FBXO10: variants seen among roughly 807,000 people sequenced by gnomAD.
FBXO10 encodes the protein F-box protein 10, also known as F-box only protein 10.
FBXO10 carries 39 observed loss-of-function variants against 80.7 expected under a neutral mutation model. The observed-to-expected ratio is 0.48, with a 90% CI of 0.37 to 0.63. The LOEUF (loss-of-function observed/expected upper bound fraction) is 0.63. FBXO10 is among the 30% of genes least tolerant of loss of function. The pLI is 0.00. For missense variants in FBXO10, 1,025 were observed against 1,269.0 expected (o/e 0.81, Z 2.92); for synonymous variants, 449 against 489.6 (o/e 0.92, Z 1.09).
At chr9:37,550,177 T>TTTG (rs1418494599) in intron 1 of FBXO10, among the ~76,000 whole-genome samples, 1 of 68,820 alleles carries the variant, frequency 1.5e-5, no homozygotes. Flanking sequence ...AGGTTTTTTT[T>TTTG]TTTTTTTTTT....
Position 37,537,159 on chromosome 9 carries a change from T to C in FBXO10, c.1370A>G (p.Asn457Ser). The C allele has an allele frequency of 1.2e-6, 2 of 1,613,916 alleles. No individual in the cohort carries two copies. The highest frequency in any genetic ancestry group is 1.7e-6 in the Non-Finnish European group (2 of 1,179,896). The change falls in exon 3 of 11, where the codon AAC (asparagine) becomes AGC (serine). Residue 457 changes from asparagine (N) to serine (S), a missense_variant. This residue lies in a region of FBXO10 where 478 missense variants were observed against 667.8 expected (regional missense o/e 0.72). Transcript: ENST00000432825. ...CSHGRAKMEG[N>S]IFRNLTYAVR... is the part of the protein sequence containing the mutation. ...TGCGTAAGTCAGGTTCCGGAAGATGTTTCCTTCCATCTTGGCTCTGCCGTG... is the reference window on the plus strand; with the variant it reads ...TGCGTAAGTCAGGTTCCGGAAGATGCTTCCTTCCATCTTGGCTCTGCCGTG...
In FBXO10 at chr9:37,537,207, T is replaced by C. The variant is rs1209350516; in HGVS notation, c.1322A>G (p.Lys441Arg). 1 of 1,613,948 alleles carries C rather than the reference T, an allele frequency of 6.2e-7. No individual in the cohort carries two copies. ...LIRKCLFRDGKGGVFVCSHGR... is the reference protein window; with the variant it reads ...LIRKCLFRDGRGGVFVCSHGR... The stretch of plus-strand genomic sequence containing the variant: ...GTGGGAGCAGACGAAGACGCCTCCC[T>C]TCCCGTCCCGGAAGAGGCACTTGCG... The change falls in exon 3 of 11, where the codon AAG becomes AGG. Residue 441 changes from lysine to arginine, a missense_variant. Lys to Arg is a conservative substitution (Grantham distance 26). Around this residue, in one of 3 missense-constraint regions of FBXO10, gnomAD observed 478 missense variants for 667.8 expected, o/e 0.72. Coordinates refer to ENST00000432825, the MANE Select transcript of FBXO10 (RefSeq NM_012166.3).
In FBXO10 at chr9:37,539,729, A is replaced by T. The variant is rs182685201; in HGVS notation, c.585+1455T>A. ...AAGCTTTTAAGCTTTCAGGTAACAT[A>T]GCATGATGTAATTTTATAAGCATTT... On this transcript the variant is annotated intron_variant, in intron 2 of 10. Coordinates refer to ENST00000432825, the MANE Select transcript of FBXO10 (RefSeq NM_012166.3). 3.0e-4 allele frequency among the ~76,000 whole-genome samples: 45 copies of T among 152,380 alleles called. No individual in the cohort carries two copies. The East Asian group carries it at 8.1e-3, about 27-fold the overall frequency.
Position 37,553,335 on chromosome 9 carries a change from G to A in FBXO10, c.-6-11561C>T, listed in dbSNP as rs558794404. On this transcript the variant is annotated intron_variant, in intron 1 of 10. Transcript: ENST00000432825. Reference sequence around the variant, plus strand: ...ATTACAGGCGTGAGCCACCGCGCCCGGCCACATGTATGTTTTTAAATTGTT... The same window carrying A: ...ATTACAGGCGTGAGCCACCGCGCCCAGCCACATGTATGTTTTTAAATTGTT... 1.4e-3 allele frequency among the ~76,000 whole-genome samples: 216 copies of A among 152,034 alleles called. 1 individual carries two copies. The highest frequency in any genetic ancestry group is 1.8e-3 in the Non-Finnish European group (120 of 67,974).
intron 9 of FBXO10, 67 bp from the exon 10 acceptor site, chr9:37,516,152 G>T: frequency 6.6e-7 from 1 of 1,521,046 alleles, no homozygotes; most frequent in Non-Finnish European, 8.9e-7. Context: ...AGCTGGGCAA[G>T]TGAATTATCA....
At chr9:37,572,076 C>A (rs549362211) in intron 1 of FBXO10, among the ~76,000 whole-genome samples, 1 of 151,986 alleles carries the variant, frequency 6.6e-6, no homozygotes, top group African/African-American at 2.4e-5. Flanking sequence ...GCCATGATCA[C>A]GCCACTGCAA....
chr9:37,518,346 T>C lies in FBXO10; in HGVS notation c.2293A>G (p.Ser765Gly). The change falls in exon 9 of 11, where the codon AGC (serine) becomes GGC (glycine). Residue 765 changes from serine (S) to glycine (G), a missense_variant. Around this residue, in one of 3 missense-constraint regions of FBXO10, gnomAD observed 478 missense variants for 667.8 expected, o/e 0.72. Coordinates refer to ENST00000432825, the MANE Select transcript of FBXO10 (RefSeq NM_012166.3). ...NGDRGITVAQSSQPTRVANNS... is the reference protein window; with the variant it reads ...NGDRGITVAQGSQPTRVANNS... ...TTGGCCACTCGGGTGGGTTGGCTGC[T>C]CTGGGCCACAGTAATGCCTCTGTCC... The C allele has an allele frequency of 1.2e-6, 2 of 1,614,034 alleles. No homozygotes were observed. Among genetic ancestry groups the C allele is most frequent in the Non-Finnish European group, 1.7e-6 (2 of 1,179,896 alleles).
intron 1 of FBXO10, among the ~76,000 whole-genome samples, chr9:37,564,222 C>G (rs193214511): frequency 1.3e-5 from 2 of 152,260 alleles, no homozygotes; most frequent in Non-Finnish European, 2.9e-5. Flanking sequence ...AAGTCAAGAA[C>G]TGAGGTATAG....
intron 1 of FBXO10, among the ~76,000 whole-genome samples, chr9:37,571,796 A>G (rs557948963): frequency 2.5e-4 from 38 of 149,248 alleles, no homozygotes; most frequent in Admixed American, 1.3e-3. Flanking sequence ...GGCAAGAGAC[A>G]TGAATAGACA....
Position 37,562,199 on chromosome 9 carries a change from A to C in FBXO10, c.-7+14012T>G, listed in dbSNP as rs73646401. ...GATGGGCAGGCAGGCTGGGGTCAGG[A>C]ATAAAAACATCCCTCAGGGATCTGC... is the stretch of plus-strand genomic sequence containing the variant. On this transcript the variant is annotated intron_variant, in intron 1 of 10. Transcript: ENST00000432825. Among the ~76,000 whole-genome samples the C allele has an allele frequency of 1.3e-3, 195 of 152,294 alleles. 1 individual carries two copies. Among genetic ancestry groups the C allele is most frequent in the African/African-American group, 4.6e-3 (192 of 41,546 alleles).
intron 1 of FBXO10, among the ~76,000 whole-genome samples, chr9:37,570,713 G>A (rs1202335894): frequency 6.6e-6 from 1 of 152,102 alleles, no homozygotes; most frequent in Non-Finnish European, 1.5e-5. Context: ...TATTATAAAC[G>A]GCCAGGTGCG....
chr9:37,553,647 T>C (rs1304038413), intron 1 of FBXO10, among the ~76,000 whole-genome samples: 3 of 151,454 alleles, frequency 2.0e-5, no homozygotes, highest in Non-Finnish European at 4.4e-5. Flanking sequence ...GGCTCATGCC[T>C]GGAATCCCAG....
Position 37,512,600 on chromosome 9 carries a change from G to A in FBXO10, c.2818C>T (p.Arg940Trp). Residue 940 changes from arginine to tryptophan, a missense_variant, in exon 11 of 11, where the codon CGG (arginine) becomes TGG (tryptophan). Arg to Trp is a moderately radical substitution (Grantham distance 101). Transcript: ENST00000432825. ...VTAMATRITA[R>W]VEGGYHSNRS... ...TTGCTGTGGTAACCACCTTCCACCC[G>A]GGCTGTGATCCTCGTTGCCATGGCT... is the stretch of plus-strand genomic sequence containing the variant. 1.9e-6 allele frequency: 3 copies of A among 1,614,016 alleles called. No individual in the cohort carries two copies. Among genetic ancestry groups the A allele is most frequent in the East Asian group, 2.2e-5 (1 of 44,888 alleles).
At chr9:37,534,885 A>C (rs997851641) in intron 3 of FBXO10, among the ~76,000 whole-genome samples, 1 of 152,156 alleles carries the variant, frequency 6.6e-6, no homozygotes, top group East Asian at 1.9e-4. Context: ...GAGGTCCCCT[A>C]GTGCTGGGGG....
intron 9 of FBXO10, among the ~76,000 whole-genome samples, chr9:37,516,823 T>C (rs144710027): frequency 6.6e-6 from 1 of 151,934 alleles, no homozygotes; most frequent in Non-Finnish European, 1.5e-5. Flanking sequence ...TAGCTGGGCA[T>C]GGCGGCACAT....
chr9:37,553,916 C>CAAAAAAAAAAAAAAAAA (rs71494669), intron 1 of FBXO10, among the ~76,000 whole-genome samples: 12 of 64,274 alleles, frequency 1.9e-4, no homozygotes, highest in East Asian at 4.8e-4. Context: ...AAGTCTGCCT[C>CAAAAAAAAAAAAAAAAA]AAAAAAAAAA....
intron 1 of FBXO10, among the ~76,000 whole-genome samples, chr9:37,559,976 C>A (rs1822437923): frequency 6.6e-6 from 1 of 152,188 alleles, no homozygotes; most frequent in African/African-American, 2.4e-5. Context: ...TATTATAAAG[C>A]CCTCGGACAC....
intron 1 of FBXO10, among the ~76,000 whole-genome samples, chr9:37,551,108 C>T (rs1008826707): frequency 8.5e-5 from 13 of 152,202 alleles, no homozygotes; most frequent in African/African-American, 3.1e-4. Flanking sequence ...AGAAAAAAGT[C>T]ACTGGCCTGA....
intron 1 of FBXO10, among the ~76,000 whole-genome samples, chr9:37,542,862 CT>C (rs1821961232): frequency 1.3e-5 from 2 of 152,292 alleles, no homozygotes; most frequent in South Asian, 4.1e-4. Context: ...TTGATTTGGG[CT>C]TCTGTGACTT....
Sources: allele counts gnomAD v4.1 joint callset (sites outside exome capture counted in the v4.1 genomes callset), GRCh38; gene constraint gnomAD v4.1.1; regional missense constraint gnomAD v4.1.1; transcripts MANE v1.5; gene names NCBI Gene and HGNC (gene_info 2026-07-23, HGNC 2026-07-21).